CNTNAP5: variants seen among roughly 807,000 people sequenced by gnomAD.
CNTNAP5 encodes contactin-associated protein-like 5.
In CNTNAP5, 72 loss-of-function variants were observed where a neutral mutation model predicts 150.2. The observed-to-expected ratio is 0.48, with a 90% confidence interval of 0.40 to 0.58. The LOEUF (loss-of-function observed/expected upper bound fraction) is 0.58, where lower values mean the gene tolerates loss of function less well. Ranked by LOEUF, CNTNAP5 falls within the 20% of genes least tolerant of loss-of-function variation. The probability of loss-of-function intolerance (pLI) is 0.00; values close to 1 mark genes in which losing one functional copy is unlikely to be tolerated. For missense variants in CNTNAP5, 1,636 were observed against 1,626.2 expected, an observed-to-expected ratio of 1.01 and a Z score of -0.10; for synonymous variants, 672 against 619.8, an observed-to-expected ratio of 1.08 and a Z score of -1.25.
At chr2:124,157,300 T>A (rs541978377) in intron 1 of CNTNAP5, among the ~76,000 whole-genome samples, 1 of 152,280 alleles carries the variant, frequency 6.6e-6, no homozygotes, top group African/African-American at 2.4e-5. Flanking sequence ...ATTTGATAAA[T>A]GTTTTTGAAG....
intron 3 of CNTNAP5, among the ~76,000 whole-genome samples, chr2:124,279,078 G>C (rs1191231177): frequency 6.6e-6 from 1 of 152,074 alleles, no homozygotes; most frequent in South Asian, 2.1e-4. Context: ...TAACACTAGG[G>C]TGACCTAATA....
chr2:124,480,238 AT>A (rs1310073123), intron 7 of CNTNAP5, among the ~76,000 whole-genome samples: 6 of 152,192 alleles, frequency 3.9e-5, no homozygotes, highest in Admixed American at 3.9e-4. Flanking sequence ...GATGAAAATC[AT>A]TACTTCAGAT....
At chr2:124,497,588 T>C (rs1694179925) in intron 7 of CNTNAP5, among the ~76,000 whole-genome samples, 1 of 152,176 alleles carries the variant, frequency 6.6e-6, no homozygotes, top group African/African-American at 2.4e-5. Context: ...AGCCAGGAAA[T>C]GAGTACAAAT....
chr2:124,523,967 T>C (rs529592023), intron 8 of CNTNAP5, among the ~76,000 whole-genome samples: 5 of 152,272 alleles, frequency 3.3e-5, no homozygotes, highest in Non-Finnish European at 7.4e-5. Flanking sequence ...TTTTTGTTTT[T>C]TTTTTTTCCT....
chr2:124,697,467 C>T (rs1679428103), intron 13 of CNTNAP5, among the ~76,000 whole-genome samples: 1 of 152,146 alleles, frequency 6.6e-6, no homozygotes, highest in Non-Finnish European at 1.5e-5. Context: ...ATGATCCCCT[C>T]ATTTTTAATC....
At chr2:124,813,332 C>T (rs1337561296) in intron 19 of CNTNAP5, among the ~76,000 whole-genome samples, 1 of 151,394 alleles carries the variant, frequency 6.6e-6, no homozygotes. Context: ...CCACCTTGGC[C>T]TCCCAAAATG....
At chr2:124,174,333 TTCTGATGGA>T (rs1685011999) in intron 1 of CNTNAP5, among the ~76,000 whole-genome samples, 1 of 152,214 alleles carries the variant, frequency 6.6e-6, no homozygotes, top group South Asian at 2.1e-4. Flanking sequence ...TTAGTGGTTC[TTCTGATGGA>T]TCTGGGTAGA....
rs1678833438 is a variant in CNTNAP5, at chr2:124,919,574, T to C, written c.*5286T>C. On this transcript the variant is annotated 3_prime_UTR_variant, in exon 24 of 24. Transcript: ENST00000682447. ...GGAAGGAAATTGCTTCCACCATGAA[T>C]CAGTGGTGGCAGCCTTTCCACTTTC... 6.6e-6 allele frequency among the ~76,000 whole-genome samples: 1 copy of C among 152,014 alleles called. No homozygotes were observed. The highest frequency in any genetic ancestry group is 2.1e-4 in the South Asian group (1 of 4,830).
intron 1 of CNTNAP5, among the ~76,000 whole-genome samples, chr2:124,042,588 A>C (rs1681403840): frequency 6.6e-6 from 1 of 152,074 alleles, no homozygotes; most frequent in Non-Finnish European, 1.5e-5. Flanking sequence ...TAAATTTTAT[A>C]CCAGTTTTAG....
intron 7 of CNTNAP5, among the ~76,000 whole-genome samples, chr2:124,478,155 A>T (rs968245505): frequency 3.9e-5 from 6 of 152,156 alleles, no homozygotes; most frequent in African/African-American, 2.4e-5. Flanking sequence ...GAGAAAAAAA[A>T]AACTTCAGTT....
chr2:124,025,842 C>T, intron 1 of CNTNAP5, 110 bp downstream of exon 1: 1 of 950,888 alleles, frequency 1.1e-6, no homozygotes. Flanking sequence ...GCAAAGGAAA[C>T]GGAAAAAAAA....
At chr2:124,358,602 A>T (rs1690095877) in intron 3 of CNTNAP5, among the ~76,000 whole-genome samples, 1 of 152,232 alleles carries the variant, frequency 6.6e-6, no homozygotes, top group Non-Finnish European at 1.5e-5. Flanking sequence ...ATGATGGATT[A>T]CATTTACTGA....
At chr2:124,197,945 C>A (rs1247514361) in intron 1 of CNTNAP5, among the ~76,000 whole-genome samples, 2 of 151,152 alleles carry the variant, frequency 1.3e-5, no homozygotes, top group Admixed American at 6.6e-5. Flanking sequence ...CGCGCCACTG[C>A]ACTCCAGCCT....
At chr2:124,553,323 G>T (rs1270816396) in intron 10 of CNTNAP5, among the ~76,000 whole-genome samples, 1 of 152,074 alleles carries the variant, frequency 6.6e-6, no homozygotes, top group African/African-American at 2.4e-5. Context: ...GGCCAACATG[G>T]CAAAACACAG....
intron 13 of CNTNAP5, among the ~76,000 whole-genome samples, chr2:124,670,600 TA>T (rs1678802405): frequency 6.9e-6 from 1 of 144,674 alleles, no homozygotes; most frequent in Non-Finnish European, 1.5e-5. Flanking sequence ...TTGTTGTTTG[TA>T]CTTTTGATGT....
In CNTNAP5 at chr2:124,336,857, C is replaced by G. The variant is rs1339927466; in HGVS notation, c.382-80586C>G. On this transcript the variant is annotated intron_variant, in intron 3 of 23. Transcript: ENST00000682447. ...CATACTGGTGTGTGTGTCTTTACAG[C>G]AGCATGATTTATAATCCTTTGGGTA... Among the ~76,000 whole-genome samples, 3 of 152,152 alleles carry G rather than the reference C, an allele frequency of 2.0e-5. 1 individual carries two copies. Among genetic ancestry groups the G allele is most frequent in the Non-Finnish European group, 4.4e-5 (3 of 68,000 alleles).
intron 11 of CNTNAP5, among the ~76,000 whole-genome samples, chr2:124,592,676 A>C (rs1696722196): frequency 6.6e-6 from 1 of 151,962 alleles, no homozygotes; most frequent in African/African-American, 2.4e-5. Context: ...TATAACTAAT[A>C]TTCTCATTTT....
At chr2:124,791,657 C>G (rs541750810) in intron 18 of CNTNAP5, among the ~76,000 whole-genome samples, 26 of 150,130 alleles carry the variant, frequency 1.7e-4, no homozygotes, top group African/African-American at 5.4e-4. Context: ...ATTCAAAGAT[C>G]TCGTAGATCA....
chr2:124,792,530 T>C (rs892574126), intron 18 of CNTNAP5, among the ~76,000 whole-genome samples: 2 of 152,186 alleles, frequency 1.3e-5, no homozygotes, highest in African/African-American at 2.4e-5. Flanking sequence ...ATTATCGAGA[T>C]GTAATTTATA....
Sources: allele counts gnomAD v4.1 joint callset (sites outside exome capture counted in the v4.1 genomes callset), GRCh38; gene constraint gnomAD v4.1.1; transcripts MANE v1.5; gene names NCBI Gene and HGNC (gene_info 2026-07-23, HGNC 2026-07-21).